Variants in FILIP1L observed in about 807,000 individuals in gnomAD.
FILIP1L encodes the protein filamin A interacting protein 1 like.
A neutral mutation model predicts 96.6 loss-of-function variants in FILIP1L; 55 were observed. The ratio of observed to expected loss-of-function variants is 0.57; its 90% CI spans 0.46 to 0.71. FILIP1L has a LOEUF of 0.71. Among genes scored for constraint, FILIP1L ranks in the 30% least tolerant of loss-of-function variants. FILIP1L has a pLI of 0.00. For missense variants in FILIP1L, 1,304 were observed against 1,321.2 expected, an observed-to-expected ratio of 0.99 and a Z score of 0.20; for synonymous variants, 467 against 473.9, an observed-to-expected ratio of 0.99 and a Z score of 0.19.
Position 99,924,350 on chromosome 3 carries a change from A to G in FILIP1L, c.485T>C (p.Leu162Ser), listed in dbSNP as rs1707220617. The change falls in exon 4 of 6, where the codon TTA becomes TCA. Residue 162 changes from leucine to serine, a missense_variant. Leu to Ser is a moderately radical substitution (Grantham distance 145). Transcript: ENST00000477258. ...ESYRRILGQL[L>S]VAEKSRRQTI... ...TTGCCTACGGGATTTTTCTGCCACT[A>G]AAAGCTGTCCCAGGATTCGTCTGTA... is the stretch of plus-strand genomic sequence containing the variant. The G allele has an allele frequency of 5.0e-6, 8 of 1,614,118 alleles. No homozygotes were observed. Among genetic ancestry groups the G allele is most frequent in the Non-Finnish European group, 6.8e-6 (8 of 1,179,984 alleles).
rs1271874030 is a variant in FILIP1L, at chr3:99,849,587, G to C, written c.2089C>G (p.His697Asp). ...YKLAEKTETS[H>D]EQWLFKRLQE... ...AGCCTTTTGAAAAGCCATTGTTCAT[G>C]GCTGGTCTCTGTCTTTTCTGCTAAC... The change falls in exon 5 of 6, where the codon CAT becomes GAT. Residue 697 changes from histidine (H) to aspartate (D), a missense_variant. Physicochemically the swap from His to Asp is moderately conservative, Grantham distance 81. Coordinates refer to ENST00000477258, the MANE Select transcript of FILIP1L (RefSeq NM_001387850.1). 3 of 1,613,592 alleles carry C rather than the reference G, an allele frequency of 1.9e-6. No individual in the cohort carries two copies. In the Admixed American group the frequency reaches 5.0e-5, roughly 27 times the overall value.
At chr3:100,102,035 C>G (rs1227189314) in intron 1 of FILIP1L, among the ~76,000 whole-genome samples, 2 of 152,064 alleles carry the variant, frequency 1.3e-5, no homozygotes, top group Admixed American at 6.6e-5. Flanking sequence ...GGACATTTGG[C>G]TTGGTTCCAA....
intron 4 of FILIP1L, among the ~76,000 whole-genome samples, chr3:99,852,855 A>C (rs528396054): frequency 6.6e-6 from 1 of 152,186 alleles, no homozygotes; most frequent in Non-Finnish European, 1.5e-5. Flanking sequence ...TACATTCCAT[A>C]GGAGGAACAT....
At chr3:99,889,351 T>C (rs1345623885) in intron 4 of FILIP1L, among the ~76,000 whole-genome samples, 7 of 152,122 alleles carry the variant, frequency 4.6e-5, no homozygotes, top group Admixed American at 2.6e-4. Context: ...TAGATGTTTT[T>C]AACTTTAAGT....
At chr3:99,907,229 A>G (rs1388263367) in intron 4 of FILIP1L, among the ~76,000 whole-genome samples, 4 of 151,908 alleles carry the variant, frequency 2.6e-5, no homozygotes, top group Non-Finnish European at 5.9e-5. Flanking sequence ...TATCTTAACT[A>G]CCTATTACCC....
rs573511497 is a variant in FILIP1L, at chr3:100,095,629, T to C, written c.-11+18424A>G. Among the ~76,000 whole-genome samples, 3 of 152,184 alleles carry C rather than the reference T, an allele frequency of 2.0e-5. No homozygotes were observed. The South Asian group carries it at 6.2e-4, about 32-fold the overall frequency. On this transcript the variant is annotated intron_variant, in intron 1 of 5. Coordinates refer to ENST00000477258, the MANE Select transcript of FILIP1L (RefSeq NM_001387850.1). ...ATACAAAAATTAAACCAAAATGAATTAAAGACTTAAATATATAAGACTTCA... is the reference window on the plus strand; with the variant it reads ...ATACAAAAATTAAACCAAAATGAATCAAAGACTTAAATATATAAGACTTCA...
chr3:99,945,175 G>A (rs1389273527), intron 1 of FILIP1L, among the ~76,000 whole-genome samples: 1 of 152,206 alleles, frequency 6.6e-6, no homozygotes, highest in Non-Finnish European at 1.5e-5. Flanking sequence ...TTCGGGTTAA[G>A]TCCTGGGTTC....
chr3:99,861,376 A>G (rs1438291161), intron 4 of FILIP1L, among the ~76,000 whole-genome samples: 2 of 152,176 alleles, frequency 1.3e-5, no homozygotes, highest in African/African-American at 4.8e-5. Flanking sequence ...TCAGCATGTG[A>G]TGCCTTGTAT....
At chr3:100,034,216 GTC>G (rs2065069044) in intron 1 of FILIP1L, among the ~76,000 whole-genome samples, 1 of 152,160 alleles carries the variant, frequency 6.6e-6, no homozygotes. Flanking sequence ...TTTCTAGACT[GTC>G]TCAAAAGTAT....
intron 1 of FILIP1L, among the ~76,000 whole-genome samples, chr3:99,986,520 A>G (rs1465151361): frequency 6.6e-6 from 1 of 152,238 alleles, no homozygotes; most frequent in Non-Finnish European, 1.5e-5. Flanking sequence ...AACAGGAGTT[A>G]CAGGGCTTAT....
At chr3:99,890,423 A>G (rs1706046603) in intron 4 of FILIP1L, among the ~76,000 whole-genome samples, 1 of 152,064 alleles carries the variant, frequency 6.6e-6, no homozygotes, top group Non-Finnish European at 1.5e-5. Context: ...TTCTTAGTTT[A>G]TATTAACATT....
chr3:99,876,765 T>C (rs1705546883), intron 4 of FILIP1L, among the ~76,000 whole-genome samples: 1 of 152,148 alleles, frequency 6.6e-6, no homozygotes, highest in African/African-American at 2.4e-5. Flanking sequence ...CCAGATGAAA[T>C]CTTATTTTTT....
At chr3:99,992,421 G>A (rs1459354395) in intron 1 of FILIP1L, among the ~76,000 whole-genome samples, 2 of 152,064 alleles carry the variant, frequency 1.3e-5, no homozygotes, top group African/African-American at 2.4e-5. Flanking sequence ...CTGGTAATTA[G>A]TAATGTTGAG....
intron 1 of FILIP1L, among the ~76,000 whole-genome samples, chr3:100,111,748 T>C (rs1483655094): frequency 6.6e-6 from 1 of 152,188 alleles, no homozygotes. Flanking sequence ...AACCAGATGG[T>C]ATTAGTATGT....
At chr3:100,046,547 G>A (rs2065282086) in intron 1 of FILIP1L, among the ~76,000 whole-genome samples, 1 of 151,962 alleles carries the variant, frequency 6.6e-6, no homozygotes, top group African/African-American at 2.4e-5. Flanking sequence ...CCAGGATTTG[G>A]GATTGTTGTT....
chr3:99,879,349 G>A (rs952931792), intron 4 of FILIP1L, among the ~76,000 whole-genome samples: 1 of 152,200 alleles, frequency 6.6e-6, no homozygotes, highest in Admixed American at 6.5e-5. Context: ...CTAATTGTCA[G>A]GAGGCCATGA....
chr3:99,840,509 A>G (rs1943087867), intron 5 of FILIP1L, among the ~76,000 whole-genome samples: 1 of 152,174 alleles, frequency 6.6e-6, no homozygotes, highest in African/African-American at 2.4e-5. Context: ...GGCATGAGCT[A>G]CCATGCCCAG....
chr3:99,957,772 A>G (rs536263929), intron 1 of FILIP1L, among the ~76,000 whole-genome samples: 2 of 136,532 alleles, frequency 1.5e-5, no homozygotes, highest in South Asian at 4.5e-4. Context: ...GGTTCCATTC[A>G]GTGATATAAA....
chr3:99,985,812 C>T (rs1709323054), intron 1 of FILIP1L, among the ~76,000 whole-genome samples: 2 of 152,208 alleles, frequency 1.3e-5, no homozygotes, highest in African/African-American at 4.8e-5. Context: ...TGGTCTCGAA[C>T]TCCTGACCTC....
Sources: gnomAD v4.1 joint callset for allele counts (sites outside exome capture counted in the v4.1 genomes callset) on GRCh38, gnomAD v4.1.1 for gene constraint, MANE v1.5 for transcripts, NCBI Gene and HGNC (gene_info 2026-07-23, HGNC 2026-07-21) for gene names.